Variants in RBM39 observed in about 807,000 individuals in gnomAD.
RBM39 encodes RNA-binding protein 39.
A neutral mutation model predicts 79.6 loss-of-function variants in RBM39; 12 were observed. That is an observed-to-expected ratio of 0.15 (90% CI 0.10 to 0.24). The LOEUF is 0.24. RBM39 is among the 10% of genes least tolerant of loss of function. RBM39 has a pLI of 1.00. For synonymous variants in RBM39, 185 were observed against 208.4 expected (o/e 0.89, Z 0.97); for missense variants, 243 against 653.4 (o/e 0.37, Z 6.85).
At chr20:35,730,790 G>A (rs1230216312) in intron 4 of RBM39, among the ~76,000 whole-genome samples, 1 of 152,018 alleles carries the variant, frequency 6.6e-6, no homozygotes, top group Non-Finnish European at 1.5e-5. Context: ...AAGCAGAGAA[G>A]TTCCTAATGT....
At chr20:35,704,896 A>AG in intron 15 of RBM39, 150 bp from the exon 16 acceptor site, 4 of 644,776 alleles carry the variant, frequency 6.2e-6, no homozygotes, top group Non-Finnish European at 1.1e-5. Context: ...GGTATACTAG[A>AG]ATTTTATTAA....
rs901430862 is a variant in RBM39, at chr20:35,702,694, G to C, written c.*1787C>G. The C allele has an allele frequency of 3.9e-5, 6 of 152,284 alleles. No individual in the cohort carries two copies. The highest frequency in any genetic ancestry group is 1.4e-4 in the African/African-American group (6 of 41,450). 9.4% of individuals were successfully genotyped at this position (152,284 alleles called of 1,614,324 possible). ...CTCATGCCTGTAATCCCGGCACTTTGGGAGGCCAAGGCGGACAGATCACTT... is the reference window on the plus strand; with the variant it reads ...CTCATGCCTGTAATCCCGGCACTTTCGGAGGCCAAGGCGGACAGATCACTT... On this transcript the variant is annotated 3_prime_UTR_variant, in exon 17 of 17. Coordinates refer to ENST00000253363, the MANE Select transcript of RBM39 (RefSeq NM_184234.3).
Position 35,724,578 on chromosome 20 carries a change from C to T in RBM39, c.679G>A (p.Ala227Thr). 1 of 1,613,614 alleles carries T rather than the reference C, an allele frequency of 6.2e-7. No homozygotes were observed. Among genetic ancestry groups the T allele is most frequent in the Non-Finnish European group, 8.5e-7 (1 of 1,179,876 alleles). ...ACCAACAAAAAAATTACCTGTGATG[C>T]CTGTACTATGATTGGCACGCCTAAA... ...RVLGVPIIVQ[A>T]SQAEKNRAAA... Residue 227 changes from alanine to threonine, a missense_variant, in exon 8 of 17, where the codon GCA (alanine) becomes ACA (threonine). Ala to Thr is a moderately conservative substitution (Grantham distance 58). Transcript: ENST00000253363.
chr20:35,721,939 C>A (rs1379226455), intron 8 of RBM39, 62 bp from the exon 9 acceptor site: 2 of 1,528,298 alleles, frequency 1.3e-6, no homozygotes, highest in Non-Finnish European at 1.8e-6. Flanking sequence ...CATACACCTT[C>A]CATTTGCATA....
chr20:35,718,841 G>A (rs1471489850), intron 9 of RBM39, among the ~76,000 whole-genome samples: 3 of 143,148 alleles, frequency 2.1e-5, no homozygotes, highest in African/African-American at 5.2e-5. Context: ...AAAAAAGCCA[G>A]GCATGGCGGC....
chr20:35,704,635 T>A, intron 16 of RBM39, 33 bp downstream of exon 16: 1 of 1,611,680 alleles, frequency 6.2e-7, no homozygotes, highest in African/African-American at 1.3e-5. Flanking sequence ...AGAGCCTTAA[T>A]AACAATCAGT....
intron 2 of RBM39, chr20:35,739,279 G>C (rs2146753465): frequency 2.1e-6 from 1 of 484,750 alleles, no homozygotes; most frequent in East Asian, 4.4e-5. Context: ...ATATAGTTTA[G>C]ATATTAAAAG....
At chr20:35,704,639 A>T in intron 16 of RBM39, 29 bp downstream of exon 16, 1 of 1,612,000 alleles carries the variant, frequency 6.2e-7, no homozygotes, top group South Asian at 1.1e-5. Context: ...CCTTAATAAC[A>T]ATCAGTCAAA....
intron 3 of RBM39, among the ~76,000 whole-genome samples, chr20:35,733,583 T>G (rs1023669910): frequency 2.6e-5 from 4 of 151,554 alleles, no homozygotes; most frequent in Admixed American, 2.6e-4. Context: ...TACTCCAGCC[T>G]GAGCAACAGA....
chr20:35,709,802 A>AT (rs993449736), intron 12 of RBM39, among the ~76,000 whole-genome samples: 15 of 152,266 alleles, frequency 9.9e-5, no homozygotes, highest in African/African-American at 3.6e-4. Flanking sequence ...TGCATATATT[A>AT]TTTTTTTAAG....
At position 35,721,605 on chromosome 20, in the gene RBM39, G is replaced by C. The variant is rs540231137; in HGVS notation, c.825+135C>G. Reference sequence around the variant, plus strand: ...ACCTATTTTAATCTATGTTGTCACAGAAATTTTTATAAAACCAGCCCTTAT... The same window carrying C: ...ACCTATTTTAATCTATGTTGTCACACAAATTTTTATAAAACCAGCCCTTAT... On this transcript the variant is annotated intron_variant, in intron 9 of 16. Transcript: ENST00000253363. 48 of 992,882 alleles carry C rather than the reference G, an allele frequency of 4.8e-5. No homozygotes were observed. The East Asian group carries it at 1.3e-3, about 26-fold the overall frequency. 61.5% of individuals were successfully genotyped at this position (992,882 alleles called of 1,614,324 possible).
Position 35,731,773 on chromosome 20 carries a change from C to T in RBM39, c.296+168G>A. 3 of 705,428 alleles carry T rather than the reference C, an allele frequency of 4.3e-6. No individual in the cohort carries two copies. The South Asian group carries it at 5.5e-5, about 13-fold the overall frequency. 43.7% of individuals were successfully genotyped at this position (705,428 alleles called of 1,614,324 possible). A position where few individuals can be genotyped will look rare whatever the true frequency, so the allele number is the denominator to read the frequency against. ...GCAAATTTTTACTTATTTGTCTATG[C>T]ACTGTATTTTCACTTTACTAGTATT... On this transcript the variant is annotated intron_variant, in intron 4 of 16. Coordinates refer to ENST00000253363, the MANE Select transcript of RBM39 (RefSeq NM_184234.3).
intron 13 of RBM39, among the ~76,000 whole-genome samples, chr20:35,708,157 T>A (rs1414151885): frequency 6.6e-6 from 1 of 151,836 alleles, no homozygotes; most frequent in African/African-American, 2.4e-5. Context: ...AACATATAAG[T>A]TTTTTCTTTC....
intron 9 of RBM39, 23 bp from the exon 10 acceptor site, chr20:35,716,828 C>T (rs771477824): frequency 5.2e-6 from 8 of 1,542,674 alleles, no homozygotes; most frequent in South Asian, 3.5e-5. Context: ...AGCATAATTA[C>T]TATAACTTAA....
chr20:35,702,851 T>C lies in RBM39; in HGVS notation c.*1630A>G, dbSNP rs1253732161. On this transcript the variant is annotated 3_prime_UTR_variant, in exon 17 of 17. Coordinates refer to ENST00000253363, the MANE Select transcript of RBM39 (RefSeq NM_184234.3). Reference sequence around the variant, plus strand: ...GGGAGAATTGCTTGAACCTGGGAGATGGAGCTGAGATCACATCACTGCACT... The same window carrying C: ...GGGAGAATTGCTTGAACCTGGGAGACGGAGCTGAGATCACATCACTGCACT... 1 of 151,982 alleles carries C rather than the reference T, an allele frequency of 6.6e-6. No individual in the cohort carries two copies. The highest frequency in any genetic ancestry group is 1.5e-5 in the Non-Finnish European group (1 of 68,012). The allele number at this position is 151,982 out of a possible 1,614,324, so 9.4% of individuals were successfully genotyped here. A position where few individuals can be genotyped will look rare whatever the true frequency, so the allele number is the denominator to read the frequency against.
chr20:35,716,828 C>G, intron 9 of RBM39, 23 bp from the exon 10 acceptor site: 1 of 1,542,792 alleles, frequency 6.5e-7, no homozygotes, highest in East Asian at 2.3e-5. Context: ...AGCATAATTA[C>G]TATAACTTAA....
chr20:35,731,251 A>G (rs1757999296), intron 4 of RBM39: 1 of 152,198 alleles, frequency 6.6e-6, no homozygotes, highest in African/African-American at 2.4e-5. Flanking sequence ...GCTAGATGCA[A>G]TCCTTAGAAT....
At chr20:35,717,790 A>G (rs968023496) in intron 9 of RBM39, among the ~76,000 whole-genome samples, 9 of 152,268 alleles carry the variant, frequency 5.9e-5, no homozygotes, top group African/African-American at 2.2e-4. Context: ...GACGCTACAC[A>G]GTGAGCTTGC....
At chr20:35,723,641 T>G (rs1435532344) in intron 8 of RBM39, among the ~76,000 whole-genome samples, 1 of 152,172 alleles carries the variant, frequency 6.6e-6, no homozygotes, top group African/African-American at 2.4e-5. Flanking sequence ...TTTCACCATG[T>G]TGGCCAGGCT....
Sources: gnomAD v4.1 joint callset for allele counts (sites outside exome capture counted in the v4.1 genomes callset) on GRCh38, gnomAD v4.1.1 for gene constraint, MANE v1.5 for transcripts, NCBI Gene and HGNC (gene_info 2026-07-23, HGNC 2026-07-21) for gene names.